The following UTRN variants were observed in gnomAD, a reference collection of about 807,000 sequenced individuals.
The protein encoded by UTRN is utrophin.
UTRN carries 283 observed loss-of-function variants against 463.9 expected under a neutral mutation model. The observed-to-expected ratio is 0.61, with a 90% confidence interval of 0.55 to 0.67. The LOEUF is 0.67. UTRN is among the 30% of genes least tolerant of loss of function. The pLI is 0.00. For missense variants in UTRN, 3,922 were observed against 4,084.3 expected (o/e 0.96, Z 1.08); for synonymous variants, 1,442 against 1,431.5 (o/e 1.01, Z -0.17).
At position 144,797,882 on chromosome 6, in the gene UTRN, C is replaced by T. The variant is rs1777366861; in HGVS notation, c.9137C>T (p.Pro3046Leu). ...TTTATAGATTGGATGCATTTGGAAC[C>T]ACAGTCCATGGTTTGGCTCCCAGTT... ...KEFIDWMHLE[P>L]QSMVWLPVLH... Residue 3046 changes from proline to leucine, a missense_variant, in exon 64 of 75, where the codon CCA becomes CTA. Pro to Leu is a moderately conservative substitution (Grantham distance 98, BLOSUM62 -3). Around this residue, in one of 3 missense-constraint regions of UTRN, gnomAD observed 1,309 missense variants for 1,452.6 expected, o/e 0.90. Transcript: ENST00000367545. 1.9e-6 allele frequency: 3 copies of T among 1,613,982 alleles called. No individual in the cohort carries two copies. Among genetic ancestry groups the T allele is most frequent in the Non-Finnish European group, 1.7e-6 (2 of 1,180,006 alleles).
chr6:144,442,819 A>G (rs1787309165), intron 13 of UTRN, among the ~76,000 whole-genome samples: 1 of 152,190 alleles, frequency 6.6e-6, no homozygotes, highest in Non-Finnish European at 1.5e-5. Flanking sequence ...ACCATATCAC[A>G]CAGGAGCTGA....
At chr6:144,356,410 A>C (rs80134921) in intron 2 of UTRN, among the ~76,000 whole-genome samples, 2,054 of 152,282 alleles carry the variant, frequency 0.013, 44 homozygotes, top group African/African-American at 0.047. Flanking sequence ...TAGGTGGCAA[A>C]ATCACTTCTG....
intron 54 of UTRN, among the ~76,000 whole-genome samples, chr6:144,744,445 T>A (rs1790472057): frequency 6.8e-6 from 1 of 147,704 alleles, no homozygotes. Context: ...TTTACTTATG[T>A]ATAATATATA....
chr6:144,479,784 A>T (rs781299900), intron 25 of UTRN, 28 bp from the exon 26 acceptor site: 12 of 1,597,478 alleles, frequency 7.5e-6, no homozygotes, highest in South Asian at 2.3e-5. Context: ...ACATTTGTTT[A>T]TTTGGGGGAA....
rs1448382392 is a variant in UTRN at position 144,474,624 on chromosome 6, A to G, written c.3201A>G (p.Glu1067=). Residue 1067 remains glutamate (E), a synonymous_variant, in exon 25 of 75, where the codon GAA becomes GAG. Coordinates refer to ENST00000367545, the MANE Select transcript of UTRN (RefSeq NM_007124.3). ...TTTAGGCATTTGTTAATGAAATAGA[A>G]ACAATTGAATCATCTCTGAAAAACA... ...DQCSAFVNEI[E]TIESSLKNMK... The G allele has an allele frequency of 9.3e-6, 15 of 1,613,168 alleles. No homozygotes were observed. In the South Asian group the frequency reaches 1.4e-4, roughly 15 times the overall value.
chr6:144,712,650 C>T (rs905689724), intron 53 of UTRN, among the ~76,000 whole-genome samples: 5 of 152,192 alleles, frequency 3.3e-5, no homozygotes, highest in Admixed American at 3.3e-4. Context: ...TTTTTGCAAT[C>T]ATGGAGCTCA....
At chr6:144,540,219 A>ATTT (rs147842004) in intron 45 of UTRN, among the ~76,000 whole-genome samples, 2 of 149,144 alleles carry the variant, frequency 1.3e-5, no homozygotes. Flanking sequence ...TCCTACCATT[A>ATTT]TTTTTTTTTT....
At chr6:144,564,489 T>G (rs1800220720) in intron 50 of UTRN, among the ~76,000 whole-genome samples, 1 of 152,140 alleles carries the variant, frequency 6.6e-6, no homozygotes, top group South Asian at 2.1e-4. Flanking sequence ...ACATGGGGTA[T>G]TAGTCCGTTT....
At position 144,440,340 on chromosome 6, in the gene UTRN, T is replaced by G; in HGVS notation, c.1393-12T>G. 6.2e-7 allele frequency: 1 copy of G among 1,614,050 alleles called. No individual in the cohort carries two copies. Among genetic ancestry groups the G allele is most frequent in the South Asian group, 1.1e-5 (1 of 91,082 alleles). The stretch of plus-strand genomic sequence containing the variant: ...AGTAGAAATAATGGTTTATCTTAAT[T>G]TTTTTCTCTAGAGTTTGCAAAGTGA... On this transcript the variant is annotated splice_polypyrimidine_tract_variant and intron_variant, in intron 12 of 74. Coordinates refer to ENST00000367545, the MANE Select transcript of UTRN (RefSeq NM_007124.3).
intron 49 of UTRN, among the ~76,000 whole-genome samples, chr6:144,555,773 T>C (rs930652378): frequency 4.6e-5 from 7 of 152,164 alleles, no homozygotes; most frequent in African/African-American, 9.7e-5. Context: ...ATCCCCATGA[T>C]CCAGTCACCT....
intron 52 of UTRN, among the ~76,000 whole-genome samples, chr6:144,699,619 T>G (rs1784384425): frequency 6.7e-6 from 1 of 150,176 alleles, no homozygotes; most frequent in African/African-American, 2.4e-5. Context: ...TGTATAGAGA[T>G]AAAATGAGAA....
intron 51 of UTRN, among the ~76,000 whole-genome samples, chr6:144,644,108 C>G (rs1352106308): frequency 1.3e-5 from 2 of 152,112 alleles, no homozygotes; most frequent in Non-Finnish European, 2.9e-5. Flanking sequence ...TGAAGCAAAT[C>G]AATACATGTG....
chr6:144,753,229 A>G lies in UTRN; in HGVS notation c.8355+1277A>G, dbSNP rs527810158. ...AGAAAAAGGAAATGGAAATGTCAGT[A>G]GGCTGTGTGCAGTTGTTATTGATTT... On this transcript the variant is annotated intron_variant, in intron 56 of 74. Coordinates refer to ENST00000367545, the MANE Select transcript of UTRN (RefSeq NM_007124.3). Among the ~76,000 whole-genome samples, 5 of 152,336 alleles carry G rather than the reference A, an allele frequency of 3.3e-5. No individual in the cohort carries two copies. In the South Asian group the frequency reaches 1.0e-3, roughly 32 times the overall value.
Position 144,514,011 on chromosome 6 carries a change from A to T in UTRN, c.5047A>T (p.Thr1683Ser). The T allele has an allele frequency of 6.2e-7, 1 of 1,614,016 alleles. No homozygotes were observed. Among genetic ancestry groups the T allele is most frequent in the East Asian group, 2.2e-5 (1 of 44,836 alleles). ...ALLDEIEKKP[T>S]SKQEEIVKRL... ...ATTGGATGAAATTGAAAAGAAACCAACAAGTAAACAGGAAGAAATTGTGAA... is the reference window on the plus strand; with the variant it reads ...ATTGGATGAAATTGAAAAGAAACCATCAAGTAAACAGGAAGAAATTGTGAA... The change falls in exon 36 of 75, where the codon ACA (threonine) becomes TCA (serine). Residue 1683 changes from threonine (T) to serine (S), a missense_variant. Physicochemically the swap from Thr to Ser is moderately conservative, Grantham distance 58. Around this residue, in one of 3 missense-constraint regions of UTRN, gnomAD observed 2,349 missense variants for 2,303.8 expected, o/e 1.02. Coordinates refer to ENST00000367545, the MANE Select transcript of UTRN (RefSeq NM_007124.3).
At chr6:144,785,382 G>T (rs1193023069) in intron 61 of UTRN, among the ~76,000 whole-genome samples, 1 of 152,116 alleles carries the variant, frequency 6.6e-6, no homozygotes, top group African/African-American at 2.4e-5. Flanking sequence ...CTTTAATTCT[G>T]CCCTTTTCTC....
At chr6:144,403,336 C>T in intron 3 of UTRN, 152 bp downstream of exon 3, 4 of 692,346 alleles carry the variant, frequency 5.8e-6, no homozygotes, top group Middle Eastern at 2.4e-4. Flanking sequence ...TTATTCTGTC[C>T]TAAAATATGT....
Position 144,774,281 on chromosome 6 carries a change from C to G in UTRN, c.8558-9C>G, listed in dbSNP as rs753559720. 1.3e-6 allele frequency: 2 copies of G among 1,594,096 alleles called. No homozygotes were observed. Among genetic ancestry groups the G allele is most frequent in the South Asian group, 2.3e-5 (2 of 85,774 alleles). ...GCCTATCTTCAAATTGTTTCTTTTTCTATTTCAGCTGACCTGAATAATGTA... is the reference window on the plus strand; with the variant it reads ...GCCTATCTTCAAATTGTTTCTTTTTGTATTTCAGCTGACCTGAATAATGTA... On this transcript the variant is annotated splice_polypyrimidine_tract_variant and intron_variant, in intron 59 of 74. Coordinates refer to ENST00000367545, the MANE Select transcript of UTRN (RefSeq NM_007124.3).
chr6:144,359,020 A>G (rs567348620), intron 2 of UTRN, among the ~76,000 whole-genome samples: 40 of 152,090 alleles, frequency 2.6e-4, no homozygotes, highest in African/African-American at 9.4e-4. Flanking sequence ...CATTTATTTA[A>G]TGGTTTTCCT....
At chr6:144,326,524 T>C (rs1377707962) in intron 2 of UTRN, among the ~76,000 whole-genome samples, 3 of 152,194 alleles carry the variant, frequency 2.0e-5, no homozygotes, top group South Asian at 2.1e-4. Flanking sequence ...TCCATATTGC[T>C]GATGATGATG....
Sources: allele counts gnomAD v4.1 joint callset (sites outside exome capture counted in the v4.1 genomes callset), GRCh38; gene constraint gnomAD v4.1.1; regional missense constraint gnomAD v4.1.1; transcripts MANE v1.5; gene names NCBI Gene and HGNC (gene_info 2026-07-23, HGNC 2026-07-21).